RALGAPA1: variants seen among roughly 807,000 people sequenced by gnomAD.
RALGAPA1 encodes ral GTPase-activating protein subunit alpha-1.
Under a neutral mutation model 269.6 loss-of-function variants are expected in RALGAPA1, and 52 were observed. The observed-to-expected ratio is 0.19, with a 90% confidence interval of 0.15 to 0.24. The LOEUF is 0.24. Ranked by LOEUF, RALGAPA1 falls within the 10% of genes least tolerant of loss-of-function variation. RALGAPA1 has a pLI of 1.00. For synonymous variants in RALGAPA1, 817 were observed against 1,008.3 expected (o/e 0.81, Z 3.60); for missense variants, 1,917 against 3,013.9 (o/e 0.64, Z 8.52).
intron 35 of RALGAPA1, among the ~76,000 whole-genome samples, chr14:35,607,108 T>A (rs535257015): frequency 1.3e-5 from 2 of 152,314 alleles, no homozygotes; most frequent in Admixed American, 6.5e-5. Flanking sequence ...ATTTAAAACA[T>A]TATTTAAAGT....
At chr14:35,670,314 A>G (rs2064297054) in intron 26 of RALGAPA1, among the ~76,000 whole-genome samples, 1 of 152,222 alleles carries the variant, frequency 6.6e-6, no homozygotes, top group Non-Finnish European at 1.5e-5. Flanking sequence ...GTTATACAGT[A>G]CTAGACAAGT....
chr14:35,700,713 G>A (rs561293145), intron 16 of RALGAPA1, among the ~76,000 whole-genome samples: 1 of 152,236 alleles, frequency 6.6e-6, no homozygotes, highest in South Asian at 2.1e-4. Flanking sequence ...GCAATCCTGA[G>A]CCATTCTTAC....
Position 35,570,697 on chromosome 14 carries a change from C to A in RALGAPA1, c.7416G>T (p.Lys2472Asn). 1 of 1,610,994 alleles carries A rather than the reference C, an allele frequency of 6.2e-7. No individual in the cohort carries two copies. ...PLFDGAIVNG[K>N]VLPIMVRATA... is the part of the protein sequence containing the mutation. ...TTGCTCTAACCATAATGGGTAGAAC[C>A]TTTCCATTCACAATAGCACCATCAA... Residue 2472 changes from lysine (K) to asparagine (N), a missense_variant, in exon 39 of 42, where the codon AAG becomes AAT. Lys to Asn is a moderately conservative substitution (Grantham distance 94, BLOSUM62 0). This residue lies in a region of RALGAPA1 where 91 missense variants were observed against 130.9 expected (regional missense o/e 0.70). Coordinates refer to ENST00000680220, the MANE Select transcript of RALGAPA1 (RefSeq NM_001346249.2).
At chr14:35,599,152 C>T (rs900833049) in intron 36 of RALGAPA1, among the ~76,000 whole-genome samples, 2 of 152,146 alleles carry the variant, frequency 1.3e-5, no homozygotes, top group Admixed American at 1.3e-4. Context: ...AATATTTCCT[C>T]TACATATATT....
chr14:35,805,054 G>A (rs1332483845), intron 1 of RALGAPA1, among the ~76,000 whole-genome samples: 1 of 152,112 alleles, frequency 6.6e-6, no homozygotes, highest in Non-Finnish European at 1.5e-5. Context: ...TTGGGAGGCT[G>A]AGGCAGGCGG....
rs529467510 is a variant in RALGAPA1 at position 35,752,074 on chromosome 14, T to A, written c.752A>T (p.Tyr251Phe). The A allele has an allele frequency of 2.5e-6, 4 of 1,584,664 alleles. No individual in the cohort carries two copies. In the African/African-American group the frequency reaches 4.1e-5, roughly 16 times the overall value. ...TTCCTTACAGATGTTTGGAAAAATA[T>A]AAGGCAAGTAATATTTCTTAAAATG... is the stretch of plus-strand genomic sequence containing the variant. The part of the protein sequence containing the change: ...FSHFKKYYLP[Y>F]IFPNICKENS... Residue 251 changes from tyrosine to phenylalanine, a missense_variant, in exon 8 of 42, where the codon TAT becomes TTT. Physicochemically the swap from Tyr to Phe is conservative, Grantham distance 22 (BLOSUM62 3). This residue lies in a region of RALGAPA1 where 462 missense variants were observed against 725.6 expected (regional missense o/e 0.64). Coordinates refer to ENST00000680220, the MANE Select transcript of RALGAPA1 (RefSeq NM_001346249.2).
intron 36 of RALGAPA1, among the ~76,000 whole-genome samples, chr14:35,600,236 T>TTTTC (rs1566789444): frequency 7.1e-6 from 1 of 140,996 alleles, no homozygotes; most frequent in African/African-American, 2.7e-5. Flanking sequence ...TTTTTTCTTT[T>TTTTC]TTTTTTTTTT....
intron 4 of RALGAPA1, chr14:35,766,257 G>T (rs531716141): frequency 3.7e-6 from 3 of 807,598 alleles, no homozygotes; most frequent in Admixed American, 3.5e-5. Flanking sequence ...GGATGATGCA[G>T]CAATTGTCTT....
At chr14:35,579,481 G>T (rs542723312) in intron 37 of RALGAPA1, among the ~76,000 whole-genome samples, 2 of 151,834 alleles carry the variant, frequency 1.3e-5, no homozygotes, top group African/African-American at 2.4e-5. Flanking sequence ...GGTGGTGCAC[G>T]CCTGTAGTCC....
intron 12 of RALGAPA1, 85 bp from the exon 13 acceptor site, chr14:35,728,595 C>T (rs1022198032): frequency 7.1e-7 from 1 of 1,417,562 alleles, no homozygotes; most frequent in Non-Finnish European, 9.3e-7. Flanking sequence ...ACTGATCACA[C>T]TGTGGGTAAA....
chr14:35,761,993 G>A (rs1183934987), intron 5 of RALGAPA1, among the ~76,000 whole-genome samples: 2 of 152,134 alleles, frequency 1.3e-5, no homozygotes, highest in Non-Finnish European at 1.5e-5. Context: ...TCTTACTACA[G>A]TACAATGGCA....
chr14:35,623,323 T>TCA lies in RALGAPA1; in HGVS notation c.6929+2036_6929+2037dup, dbSNP rs891632706. Among the ~76,000 whole-genome samples the TCA allele has an allele frequency of 2.5e-4, 38 of 151,510 alleles. No homozygotes were observed. The East Asian group carries it at 6.6e-3, about 26-fold the overall frequency. Reference sequence around the variant, plus strand: ...ACGAAAGTTAATCTCTCTCTCTCTCTCACACACACAGACATACACACACAC... The same window carrying TCA: ...ACGAAAGTTAATCTCTCTCTCTCTCTCACACACACACAGACATACACACACAC... On this transcript the variant is annotated intron_variant, in intron 35 of 41. Coordinates refer to ENST00000680220, the MANE Select transcript of RALGAPA1 (RefSeq NM_001346249.2).
At chr14:35,726,729 C>G (rs977902915) in intron 13 of RALGAPA1, among the ~76,000 whole-genome samples, 1 of 152,088 alleles carries the variant, frequency 6.6e-6, no homozygotes, top group Non-Finnish European at 1.5e-5. Context: ...TTCTACATAG[C>G]AAGTCAGTCA....
intron 10 of RALGAPA1, 43 bp downstream of exon 10, chr14:35,748,542 A>T: frequency 7.7e-6 from 12 of 1,554,286 alleles, no homozygotes; most frequent in Non-Finnish European, 8.7e-6. Flanking sequence ...TATTAAAGAT[A>T]AAAGCCTTCC....
chr14:35,779,566 AAAT>A (rs2075296139), intron 1 of RALGAPA1, among the ~76,000 whole-genome samples: 1 of 150,994 alleles, frequency 6.6e-6, no homozygotes, highest in Admixed American at 6.6e-5. Flanking sequence ...AATAATAAAG[AAAT>A]AATAAATAAT....
intron 1 of RALGAPA1, among the ~76,000 whole-genome samples, chr14:35,804,139 G>A (rs560506785): frequency 4.6e-5 from 7 of 151,878 alleles, no homozygotes; most frequent in African/African-American, 1.7e-4. Context: ...ACACCCACCT[G>A]TAATCCCAGC....
At chr14:35,599,225 C>T (rs1028226448) in intron 36 of RALGAPA1, among the ~76,000 whole-genome samples, 4 of 152,186 alleles carry the variant, frequency 2.6e-5, no homozygotes, top group African/African-American at 7.2e-5. Flanking sequence ...TAAGACAACT[C>T]AAGATGAGAA....
At chr14:35,714,427 T>C (rs1276649726) in intron 16 of RALGAPA1, among the ~76,000 whole-genome samples, 1 of 152,236 alleles carries the variant, frequency 6.6e-6, no homozygotes, top group Non-Finnish European at 1.5e-5. Context: ...TTGTGTATCT[T>C]CTTTAGAGAA....
intron 16 of RALGAPA1, among the ~76,000 whole-genome samples, chr14:35,708,689 G>A (rs150663409): frequency 3.3e-5 from 5 of 152,244 alleles, no homozygotes; most frequent in Admixed American, 1.3e-4. Context: ...GAACAGTTTG[G>A]AGATTTCTCA....
Sources: gnomAD v4.1 joint callset for allele counts (sites outside exome capture counted in the v4.1 genomes callset) on GRCh38, gnomAD v4.1.1 for gene constraint, gnomAD v4.1.1 regional missense constraint, MANE v1.5 for transcripts, NCBI Gene and HGNC (gene_info 2026-07-23, HGNC 2026-07-21) for gene names.